The following TSC22D1 variants were observed in gnomAD, a reference collection of about 807,000 sequenced individuals.
TSC22D1 encodes the protein TSC22 domain family member 1.
A neutral mutation model predicts 74.2 loss-of-function variants in TSC22D1; 9 were observed. The ratio of observed to expected loss-of-function variants is 0.12; its 90% CI spans 0.07 to 0.21. TSC22D1 has a LOEUF of 0.21. TSC22D1 is among the 10% of genes least tolerant of loss of function. The pLI is 1.00. For missense variants in TSC22D1, 1,427 were observed against 1,304.7 expected (o/e 1.09, Z -1.44); for synonymous variants, 586 against 492.5 (o/e 1.19, Z -2.51).
intron 1 of TSC22D1, chr13:44,437,451 GA>G (rs1244147618): frequency 1.8e-5 from 3 of 168,982 alleles, no homozygotes; most frequent in African/African-American, 7.2e-5. Flanking sequence ...CTCTTTGAGA[GA>G]TACTACCTTT....
intron 1 of TSC22D1, among the ~76,000 whole-genome samples, chr13:44,464,471 G>A (rs1420077903): frequency 3.9e-5 from 6 of 152,082 alleles, no homozygotes; most frequent in Non-Finnish European, 8.8e-5. Context: ...ATTTGTCTAG[G>A]ATTACAGATA....
At chr13:44,479,030 A>C (rs1878053767) in intron 1 of TSC22D1, among the ~76,000 whole-genome samples, 1 of 152,184 alleles carries the variant, frequency 6.6e-6, no homozygotes, top group South Asian at 2.1e-4. Context: ...CTGAATAAAA[A>C]ATATTAAGCC....
chr13:44,537,193 A>G, intron 1 of TSC22D1: 4 of 871,548 alleles, frequency 4.6e-6, no homozygotes, highest in Non-Finnish European at 5.5e-6. Context: ...AATAGTTTAT[A>G]TTAATATTCA....
intron 1 of TSC22D1, chr13:44,538,408 C>A: frequency 6.1e-6 from 6 of 985,312 alleles, no homozygotes; most frequent in Non-Finnish European, 7.2e-6. Flanking sequence ...TAGTTACTTT[C>A]AGTGTCAGGC....
rs184816095 is a variant in TSC22D1 at position 44,573,011 on chromosome 13, C to T, written c.2912+152G>A. On this transcript the variant is annotated intron_variant, in intron 1 of 2. Coordinates refer to ENST00000458659, the MANE Select transcript of TSC22D1 (RefSeq NM_183422.4). ...TACTCCCTCTGAAACCATTCCATAA[C>T]TCTTGCTCTATAAAACTTCCCATAA... The T allele has an allele frequency of 2.4e-5, 26 of 1,081,630 alleles. No homozygotes were observed. The East Asian group carries it at 6.3e-4, about 26-fold the overall frequency. 67.0% of individuals were successfully genotyped at this position (1,081,630 alleles called of 1,614,324 possible).
At chr13:44,531,795 GT>G (rs1451283666) in intron 1 of TSC22D1, among the ~76,000 whole-genome samples, 1 of 152,178 alleles carries the variant, frequency 6.6e-6, no homozygotes, top group Non-Finnish European at 1.5e-5. Flanking sequence ...CTAAAATAAT[GT>G]TGCTATAGCA....
intron 1 of TSC22D1, among the ~76,000 whole-genome samples, chr13:44,559,145 T>C (rs962895864): frequency 6.6e-6 from 1 of 152,294 alleles, no homozygotes; most frequent in Non-Finnish European, 1.5e-5. Context: ...GGCTCCATGT[T>C]TGACTCTCAA....
chr13:44,448,790 G>A (rs1320436882), intron 1 of TSC22D1, among the ~76,000 whole-genome samples: 2 of 152,128 alleles, frequency 1.3e-5, no homozygotes, highest in Non-Finnish European at 2.9e-5. Context: ...GGCATTAGGT[G>A]CTTTGTCCAG....
chr13:44,517,819 G>GTA (rs767015949), intron 1 of TSC22D1, among the ~76,000 whole-genome samples: 13 of 30,330 alleles, frequency 4.3e-4, no homozygotes, highest in African/African-American at 6.1e-4. Flanking sequence ...ATATGTGTGT[G>GTA]TGTGTGTGTG....
chr13:44,543,719 T>C (rs984663626), intron 1 of TSC22D1, among the ~76,000 whole-genome samples: 3 of 152,236 alleles, frequency 2.0e-5, no homozygotes, highest in Non-Finnish European at 4.4e-5. Flanking sequence ...AAGGAGAATT[T>C]TGTCAAGTGG....
At chr13:44,450,924 G>A (rs2138909126) in intron 1 of TSC22D1, among the ~76,000 whole-genome samples, 1 of 152,336 alleles carries the variant, frequency 6.6e-6, no homozygotes, top group East Asian at 1.9e-4. Flanking sequence ...GCAGCCGTTT[G>A]GCATAGCAAA....
chr13:44,525,644 A>G (rs1880511462), intron 1 of TSC22D1, among the ~76,000 whole-genome samples: 1 of 152,088 alleles, frequency 6.6e-6, no homozygotes, highest in African/African-American at 2.4e-5. Flanking sequence ...CACAGAGTAG[A>G]CAAGATCAAG....
intron 1 of TSC22D1, chr13:44,474,209 G>C: frequency 1.0e-6 from 1 of 981,842 alleles, no homozygotes; most frequent in Non-Finnish European, 1.2e-6. Flanking sequence ...ATTACAGTGA[G>C]GTACTCACAG....
rs761827475 is a variant in TSC22D1, at chr13:44,573,394, G to A, written c.2681C>T (p.Ser894Phe). The change falls in exon 1 of 3, where the codon TCT (serine) becomes TTT (phenylalanine). Residue 894 changes from serine (S) to phenylalanine (F), a missense_variant. Ser to Phe is a radical substitution (Grantham distance 155, BLOSUM62 -2). Coordinates refer to ENST00000458659, the MANE Select transcript of TSC22D1 (RefSeq NM_183422.4). Reference sequence around the variant, plus strand: ...TAATGATTGTGCGGAGAACTGGGTAGAACTTAGTGGTATCTGTTGTGCCAA... The same window carrying A: ...TAATGATTGTGCGGAGAACTGGGTAAAACTTAGTGGTATCTGTTGTGCCAA... ...LPLAQQIPLS[S>F]TQFSAQSLAQ... 1 of 1,614,252 alleles carries A rather than the reference G, an allele frequency of 6.2e-7. No individual in the cohort carries two copies. The highest frequency in any genetic ancestry group is 8.5e-7 in the Non-Finnish European group (1 of 1,180,046).
At chr13:44,457,121 T>G (rs1201627416) in intron 1 of TSC22D1, among the ~76,000 whole-genome samples, 5 of 152,252 alleles carry the variant, frequency 3.3e-5, no homozygotes. Context: ...ATTTCACATT[T>G]GCTTATGTGT....
In TSC22D1 at chr13:44,433,277, G is replaced by A. The variant is rs929420031; in HGVS notation, c.*1349C>T. ...CAAACCCCTACATCCGTCCAGGAGT[G>A]AAGCAACCTGTCCAAGTCACACAGT... is the stretch of plus-strand genomic sequence containing the variant. On this transcript the variant is annotated 3_prime_UTR_variant, in exon 3 of 3. Transcript: ENST00000458659. The A allele has an allele frequency of 1.3e-5, 2 of 152,234 alleles. No homozygotes were observed. The highest frequency in any genetic ancestry group is 2.9e-5 in the Non-Finnish European group (2 of 68,056). 9.4% of individuals were successfully genotyped at this position (152,234 alleles called of 1,614,324 possible). A position where few individuals can be genotyped will look rare whatever the true frequency, so the allele number is the denominator to read the frequency against.
At chr13:44,440,341 G>A (rs142806800) in intron 1 of TSC22D1, among the ~76,000 whole-genome samples, 15 of 152,330 alleles carry the variant, frequency 9.8e-5, no homozygotes, top group African/African-American at 3.1e-4. Context: ...CACTTTGAGA[G>A]GGTGAGATGG....
chr13:44,560,559 C>T (rs1402564633), intron 1 of TSC22D1, among the ~76,000 whole-genome samples: 1 of 152,044 alleles, frequency 6.6e-6, no homozygotes, highest in African/African-American at 2.4e-5. Flanking sequence ...ATATTTAGAA[C>T]ATATGTTAAG....
intron 1 of TSC22D1, among the ~76,000 whole-genome samples, chr13:44,489,432 G>A (rs1878600642): frequency 1.3e-5 from 2 of 151,854 alleles, no homozygotes; most frequent in Admixed American, 1.3e-4. Flanking sequence ...AAGTCACATG[G>A]AGAGAAGAGA....
Sources: gnomAD v4.1 joint callset for allele counts (sites outside exome capture counted in the v4.1 genomes callset) on GRCh38, gnomAD v4.1.1 for gene constraint, MANE v1.5 for transcripts, NCBI Gene and HGNC (gene_info 2026-07-23, HGNC 2026-07-21) for gene names.